Variants in NEK1 observed in about 807,000 individuals in gnomAD.
NEK1 encodes the protein serine/threonine-protein kinase Nek1.
Under a neutral mutation model 182.1 loss-of-function variants are expected in NEK1, and 137 were observed. The observed-to-expected ratio is 0.75, with a 90% CI of 0.65 to 0.87. The LOEUF is 0.87. Among genes scored for constraint, NEK1 ranks in the 40% least tolerant of loss-of-function variants. The pLI is 0.00. For synonymous variants in NEK1, 513 were observed against 492.2 expected, an observed-to-expected ratio of 1.04 and a Z score of -0.56; for missense variants, 1,391 against 1,494.4, an observed-to-expected ratio of 0.93 and a Z score of 1.14.
intron 4 of NEK1, among the ~76,000 whole-genome samples, chr4:169,601,446 A>C (rs1770474691): frequency 6.6e-6 from 1 of 152,200 alleles, no homozygotes; most frequent in South Asian, 2.1e-4. Context: ...TAATGCATAT[A>C]GTTCCAAAAC....
chr4:169,483,425 A>G lies in NEK1; in HGVS notation c.2008-3891T>C, dbSNP rs185234878. ...TAGACTTGCTTGATGCAGGGTTGCC[A>G]CAAACCTTCAATTTGTAAAAAATGC... On this transcript the variant is annotated intron_variant, in intron 23 of 35. Coordinates refer to ENST00000507142, the MANE Select transcript of NEK1 (RefSeq NM_001199397.3). Among the ~76,000 whole-genome samples, 918 of 152,360 alleles carry G rather than the reference A, an allele frequency of 6.0e-3. 7 individuals carry two copies. Among genetic ancestry groups the G allele is most frequent in the South Asian group, 9.1e-3 (44 of 4,828 alleles).
intron 29 of NEK1, among the ~76,000 whole-genome samples, chr4:169,427,895 C>T (rs142337894): frequency 5.3e-5 from 8 of 152,108 alleles, no homozygotes; most frequent in African/African-American, 2.4e-5. Context: ...TCATGGCTCA[C>T]CTCACTGCAG....
intron 23 of NEK1, among the ~76,000 whole-genome samples, chr4:169,488,912 A>AT (rs1441184129): frequency 6.6e-6 from 1 of 152,120 alleles, no homozygotes; most frequent in Non-Finnish European, 1.5e-5. Context: ...TATGGATACT[A>AT]TTTTTCTATA....
rs181865709 is a variant in NEK1 at position 169,604,085 on chromosome 4, T to C, written c.-48-1407A>G. Among the ~76,000 whole-genome samples, 337 of 152,336 alleles carry C rather than the reference T, an allele frequency of 2.2e-3. 4 individuals are homozygous for C. Among genetic ancestry groups the C allele is most frequent in the African/African-American group, 7.9e-3 (329 of 41,576 alleles). ...ATTTTATACTGAGTTGGTCTTTAATTTGTAAAAACTCCTTATGTAATGAAG... is the reference window on the plus strand; with the variant it reads ...ATTTTATACTGAGTTGGTCTTTAATCTGTAAAAACTCCTTATGTAATGAAG... On this transcript the variant is annotated intron_variant, in intron 2 of 35. Transcript: ENST00000507142.
intron 23 of NEK1, among the ~76,000 whole-genome samples, chr4:169,484,922 A>G (rs1285378610): frequency 1.3e-5 from 2 of 152,220 alleles, no homozygotes; most frequent in Non-Finnish European, 2.9e-5. Context: ...AATAGTAGCA[A>G]TTGTTATTTA....
chr4:169,442,739 G>A (rs916707537), intron 27 of NEK1, among the ~76,000 whole-genome samples: 3 of 152,188 alleles, frequency 2.0e-5, no homozygotes, highest in Admixed American at 2.0e-4. Flanking sequence ...TATCATTAAA[G>A]ATAACCAAAC....
At chr4:169,580,170 T>TA (rs138115453) in intron 11 of NEK1, among the ~76,000 whole-genome samples, 1,813 of 152,212 alleles carry the variant, frequency 0.012, 31 homozygotes, top group African/African-American at 0.041. Context: ...TCACTTAATT[T>TA]AAAAAATTCA....
intron 31 of NEK1, among the ~76,000 whole-genome samples, chr4:169,407,539 A>G (rs1732864253): frequency 6.6e-6 from 1 of 152,224 alleles, no homozygotes; most frequent in South Asian, 2.1e-4. Flanking sequence ...TGAGTTGAGG[A>G]AAGAAAAAAA....
At chr4:169,568,105 T>C (rs952325067) in intron 12 of NEK1, among the ~76,000 whole-genome samples, 1 of 152,158 alleles carries the variant, frequency 6.6e-6, no homozygotes. Flanking sequence ...ACAGTTCTGA[T>C]CTCTCCATTC....
chr4:169,409,335 G>A (rs1445831563), intron 31 of NEK1, among the ~76,000 whole-genome samples: 2 of 151,898 alleles, frequency 1.3e-5, no homozygotes, highest in Non-Finnish European at 2.9e-5. Context: ...TAGTAGAGAC[G>A]GGGTTTCACC....
At chr4:169,411,626 A>G (rs886630224) in intron 31 of NEK1, among the ~76,000 whole-genome samples, 8 of 152,286 alleles carry the variant, frequency 5.3e-5, no homozygotes, top group African/African-American at 1.7e-4. Flanking sequence ...GCACACCGCC[A>G]TGACTGACTT....
At chr4:169,484,178 T>C (rs1481249636) in intron 23 of NEK1, among the ~76,000 whole-genome samples, 2 of 152,212 alleles carry the variant, frequency 1.3e-5, no homozygotes, top group African/African-American at 4.8e-5. Flanking sequence ...CTCTACCACA[T>C]ACTAGGATTA....
chr4:169,432,818 G>A lies in NEK1; in HGVS notation c.2885+727C>T, dbSNP rs548160148. The stretch of plus-strand genomic sequence containing the variant: ...TTTGAGTTGGAGAGTCTGTTGCCCA[G>A]GCTGGCATGCAGTGGTGCCATCTCA... On this transcript the variant is annotated intron_variant, in intron 29 of 35. Coordinates refer to ENST00000507142, the MANE Select transcript of NEK1 (RefSeq NM_001199397.3). 4.6e-5 allele frequency among the ~76,000 whole-genome samples: 7 copies of A among 152,230 alleles called. No homozygotes were observed. In the South Asian group the frequency reaches 1.5e-3, roughly 32 times the overall value.
chr4:169,460,626 C>T (rs1743795950), intron 27 of NEK1, among the ~76,000 whole-genome samples: 1 of 151,880 alleles, frequency 6.6e-6, no homozygotes, highest in African/African-American at 2.4e-5. Flanking sequence ...GAAAAATAAA[C>T]TCAATGCCAA....
intron 3 of NEK1, 148 bp from the exon 4 acceptor site, chr4:169,602,252 C>A: frequency 1.5e-6 from 1 of 655,258 alleles, no homozygotes. Flanking sequence ...TGAGTTGAAT[C>A]TGTAAGTAGA....
In NEK1 at chr4:169,602,543, A is replaced by G. The variant is rs746957389; in HGVS notation, c.88T>C (p.Tyr30His). The G allele has an allele frequency of 3.1e-6, 5 of 1,600,916 alleles. No individual in the cohort carries two copies. In the South Asian group the frequency reaches 5.5e-5, roughly 18 times the overall value. The stretch of plus-strand genomic sequence containing the variant: ...GAGATGTTAATTTCCTTGATAACAT[A>G]CTGTCTGCCATCTTCTGTAGATTTA... ...LVKSTEDGRQYVIKEINISRM... is the reference protein window; with the variant it reads ...LVKSTEDGRQHVIKEINISRM... The change falls in exon 3 of 36, where the codon TAT becomes CAT. Residue 30 changes from tyrosine to histidine, a missense_variant. By Grantham distance (83) the Tyr-to-His change is moderately conservative. This residue lies in a region of NEK1 where 42 missense variants were observed against 47.9 expected (regional missense o/e 0.88). Transcript: ENST00000507142.
At chr4:169,539,776 C>G (rs1245842552) in intron 18 of NEK1, among the ~76,000 whole-genome samples, 1 of 152,046 alleles carries the variant, frequency 6.6e-6, no homozygotes, top group African/African-American at 2.4e-5. Flanking sequence ...TTTACACCAC[C>G]ACCTGCAAGT....
In NEK1 at chr4:169,497,974, CTTG is replaced by C. The variant is rs1371663857; in HGVS notation, c.2007+9060_2007+9062del. On this transcript the variant is annotated intron_variant, in intron 23 of 35. Coordinates refer to ENST00000507142, the MANE Select transcript of NEK1 (RefSeq NM_001199397.3). ...CTGGATATCCTTGTTAACTTTCTGT[CTTG>C]TTGATCTGTCTAACGTTGACAATGG... is the stretch of plus-strand genomic sequence containing the variant. Among the ~76,000 whole-genome samples, 17 of 151,986 alleles carry C rather than the reference CTTG, an allele frequency of 1.1e-4. 1 individual carries two copies. The highest frequency in any genetic ancestry group is 4.1e-4 in the African/African-American group (17 of 41,544).
Position 169,393,483 on chromosome 4 carries a change from C to T in NEK1, c.*1027G>A, listed in dbSNP as rs948347042. 3.9e-5 allele frequency: 6 copies of T among 152,114 alleles called. No homozygotes were observed. Among genetic ancestry groups the T allele is most frequent in the Non-Finnish European group, 8.8e-5 (6 of 68,016 alleles). The allele number at this position is 152,114 out of a possible 1,614,324, so 9.4% of individuals were successfully genotyped here. A position where few individuals can be genotyped will look rare whatever the true frequency, so the allele number is the denominator to read the frequency against. ...AGGTTCAAAAACTTTGCTTTTATTA[C>T]GAAGAACATCTGGACTGTAGACACC... On this transcript the variant is annotated 3_prime_UTR_variant, in exon 36 of 36. Transcript: ENST00000507142.
Sources: allele counts gnomAD v4.1 joint callset (sites outside exome capture counted in the v4.1 genomes callset), GRCh38; gene constraint gnomAD v4.1.1; regional missense constraint gnomAD v4.1.1; transcripts MANE v1.5; gene names NCBI Gene and HGNC (gene_info 2026-07-23, HGNC 2026-07-21).